CHD6: variants seen among roughly 807,000 people sequenced by gnomAD.
CHD6 encodes ATP-dependent chromatin remodeler CHD6.
Under a neutral mutation model 276.9 loss-of-function variants are expected in CHD6, and 50 were observed. The observed-to-expected ratio is 0.18, with a 90% CI of 0.14 to 0.23. CHD6 has a LOEUF of 0.23. Ranked by LOEUF, CHD6 falls within the 10% of genes least tolerant of loss-of-function variation. The pLI is 1.00. For missense variants in CHD6, 2,564 were observed against 3,365.8 expected (o/e 0.76, Z 5.89); for synonymous variants, 1,173 against 1,229.3 (o/e 0.95, Z 0.96).
At chr20:41,437,434 T>A in intron 26 of CHD6, 100 bp from the exon 27 acceptor site, 2 of 722,038 alleles carry the variant, frequency 2.8e-6, no homozygotes, top group Non-Finnish European at 4.7e-6. Context: ...ACTAAGATAT[T>A]TTGGGGGAGA....
chr20:41,605,137 C>T (rs565166464), intron 1 of CHD6, among the ~76,000 whole-genome samples: 1 of 151,496 alleles, frequency 6.6e-6, no homozygotes, highest in Non-Finnish European at 1.5e-5. Context: ...GGTATTGTCA[C>T]AAAAAAAGTC....
chr20:41,487,219 A>G (rs1261159364), intron 14 of CHD6, among the ~76,000 whole-genome samples: 1 of 152,206 alleles, frequency 6.6e-6, no homozygotes, highest in African/African-American at 2.4e-5. Context: ...CAGGTATGTG[A>G]CTGCCTTCTT....
chr20:41,609,633 T>C (rs1187968580), intron 1 of CHD6, among the ~76,000 whole-genome samples: 1 of 152,198 alleles, frequency 6.6e-6, no homozygotes, highest in African/African-American at 2.4e-5. Flanking sequence ...CCAATTTTAA[T>C]GTTCTGTGAG....
intron 16 of CHD6, among the ~76,000 whole-genome samples, chr20:41,475,364 T>C (rs970691889): frequency 6.6e-6 from 1 of 152,224 alleles, no homozygotes; most frequent in African/African-American, 2.4e-5. Flanking sequence ...CCACATCCAT[T>C]TGACTTAAAG....
chr20:41,550,542 A>G (rs1422929767), intron 2 of CHD6, among the ~76,000 whole-genome samples: 2 of 152,158 alleles, frequency 1.3e-5, no homozygotes, highest in Non-Finnish European at 2.9e-5. Flanking sequence ...GCAAACTGGA[A>G]AGGTAGGAGT....
intron 1 of CHD6, among the ~76,000 whole-genome samples, chr20:41,598,476 A>G (rs2045741621): frequency 6.6e-6 from 1 of 152,224 alleles, no homozygotes; most frequent in Non-Finnish European, 1.5e-5. Flanking sequence ...ACGCTTGTGC[A>G]ACGGGCAGGC....
At chr20:41,531,559 TAGGC>T (rs1231156737) in intron 3 of CHD6, among the ~76,000 whole-genome samples, 3 of 152,192 alleles carry the variant, frequency 2.0e-5, no homozygotes, top group Non-Finnish European at 4.4e-5. Context: ...AGGTTTTAGT[TAGGC>T]AGAATCCTGA....
chr20:41,454,716 T>A lies in CHD6; in HGVS notation c.3030A>T (p.Gly1010=), dbSNP rs1302363251. Residue 1010 remains glycine, a synonymous_variant, in exon 20 of 37, where the codon GGA becomes GGT. Coordinates refer to ENST00000373233, the MANE Select transcript of CHD6 (RefSeq NM_032221.5). Reference sequence around the variant, plus strand: ...CATCTAAGGAAATATCTGTTCTGTTTCCTGAAGCCACAAAGCTAGCCTGTG... The same window carrying A: ...CATCTAAGGAAATATCTGTTCTGTTACCTGAAGCCACAAAGCTAGCCTGTG... ...TFAKASFVAS[G]NRTDISLDDP... The A allele has an allele frequency of 6.2e-7, 1 of 1,613,758 alleles. No homozygotes were observed. Among genetic ancestry groups the A allele is most frequent in the Admixed American group, 1.7e-5 (1 of 59,972 alleles).
chr20:41,464,381 T>C (rs947134490), intron 17 of CHD6, among the ~76,000 whole-genome samples: 3 of 152,340 alleles, frequency 2.0e-5, no homozygotes, highest in South Asian at 2.1e-4. Context: ...AAACCCACTA[T>C]AGACCAACAT....
chr20:41,509,655 C>CA (rs1328992173), intron 5 of CHD6, among the ~76,000 whole-genome samples: 3 of 152,216 alleles, frequency 2.0e-5, no homozygotes, highest in South Asian at 2.1e-4. Flanking sequence ...TTCCAAAAGG[C>CA]AAAATCACAC....
Position 41,404,032 on chromosome 20 carries a change from A to G in CHD6, c.*561T>C, listed in dbSNP as rs990515125. On this transcript the variant is annotated 3_prime_UTR_variant, in exon 37 of 37. Coordinates refer to ENST00000373233, the MANE Select transcript of CHD6 (RefSeq NM_032221.5). ...TTTTGTTTTTTATAAAGAAATGAAT[A>G]TATGTATTTTCAACCATTAGTTATA... 7 of 1,048,136 alleles carry G rather than the reference A, an allele frequency of 6.7e-6. No homozygotes were observed. The African/African-American group carries it at 8.3e-5, about 12-fold the overall frequency. The allele number at this position is 1,048,136 out of a possible 1,614,324, so 64.9% of individuals were successfully genotyped here. A position where few individuals can be genotyped will look rare whatever the true frequency, so the allele number is the denominator to read the frequency against.
chr20:41,436,720 A>G (rs559525728), intron 27 of CHD6, among the ~76,000 whole-genome samples: 6 of 152,234 alleles, frequency 3.9e-5, no homozygotes, highest in Non-Finnish European at 8.8e-5. Context: ...CACCTAGATG[A>G]ATCCCAGGGA....
At chr20:41,563,970 C>G (rs770558190) in intron 1 of CHD6, 9 of 750,892 alleles carry the variant, frequency 1.2e-5, no homozygotes, top group South Asian at 1.2e-4. Context: ...GAACTTTTCA[C>G]TCATTACATT....
intron 3 of CHD6, among the ~76,000 whole-genome samples, chr20:41,531,022 A>G (rs1439873779): frequency 6.6e-6 from 1 of 152,238 alleles, no homozygotes; most frequent in Non-Finnish European, 1.5e-5. Context: ...TTCACTAGAC[A>G]GAATCCTGAT....
chr20:41,405,208 G>A lies in CHD6; in HGVS notation c.7533C>T (p.Val2511=). 1.2e-6 allele frequency: 2 copies of A among 1,614,178 alleles called. No individual in the cohort carries two copies. Among genetic ancestry groups the A allele is most frequent in the Non-Finnish European group, 1.7e-6 (2 of 1,180,028 alleles). Residue 2511 remains valine (V), a synonymous_variant, in exon 37 of 37, where the codon GTC becomes GTT. Transcript: ENST00000373233. ...TGGGCAGCATGCTCAGGGTACTTTT[G>A]ACCTCTTCACCTGTTGGCATCGTGG... ...GFATMPTGEE[V]KSTLSMLPMM...
intron 1 of CHD6, among the ~76,000 whole-genome samples, chr20:41,563,265 C>G (rs2045321303): frequency 6.6e-6 from 1 of 152,190 alleles, no homozygotes; most frequent in South Asian, 2.1e-4. Flanking sequence ...TTCTGAGAAC[C>G]TTCCTGTGGG....
In CHD6 at chr20:41,406,757, G is replaced by A. The variant is rs560329308; in HGVS notation, c.7252-1268C>T. 3.9e-5 allele frequency among the ~76,000 whole-genome samples: 6 copies of A among 152,236 alleles called. 1 individual carries two copies. The South Asian group carries it at 1.0e-3, about 26-fold the overall frequency. On this transcript the variant is annotated intron_variant, in intron 36 of 36. Transcript: ENST00000373233. ...AGAACTGCATGCCTTTCTCTCTCTC[G>A]ACTGCCCTCCACACCTCACTGCTAT... is the stretch of plus-strand genomic sequence containing the variant.
intron 1 of CHD6, among the ~76,000 whole-genome samples, chr20:41,604,273 A>G (rs2045804209): frequency 6.6e-6 from 1 of 152,224 alleles, no homozygotes. Flanking sequence ...AATAGATTCT[A>G]GAGTCATCAA....
In CHD6 at chr20:41,404,266, T is replaced by C; in HGVS notation, c.*327A>G. 3.0e-5 allele frequency: 33 copies of C among 1,091,708 alleles called. No homozygotes were observed. The highest frequency in any genetic ancestry group is 3.6e-5 in the Non-Finnish European group (32 of 898,068). The allele number at this position is 1,091,708 out of a possible 1,614,324, so 67.6% of individuals were successfully genotyped here. A position where few individuals can be genotyped will look rare whatever the true frequency, so the allele number is the denominator to read the frequency against. ...AACCCTAGACAGCTTTCTTTTGCCA[T>C]TTTTCCTCCTCAAGTGAGTGGGAAA... On this transcript the variant is annotated 3_prime_UTR_variant, in exon 37 of 37. Transcript: ENST00000373233.
Sources: gnomAD v4.1 joint callset for allele counts (sites outside exome capture counted in the v4.1 genomes callset) on GRCh38, gnomAD v4.1.1 for gene constraint, MANE v1.5 for transcripts, NCBI Gene and HGNC (gene_info 2026-07-23, HGNC 2026-07-21) for gene names.